The following RAPGEF4 variants were observed in gnomAD, a reference collection of about 807,000 sequenced individuals.
RAPGEF4 encodes RAP guanine-nucleotide-exchange factor (GEF) 4.
In RAPGEF4, 66 loss-of-function variants were observed where a neutral mutation model predicts 147.9. The ratio of observed to expected loss-of-function variants is 0.45; its 90% CI spans 0.37 to 0.55. The LOEUF (loss-of-function observed/expected upper bound fraction) is 0.55. Among genes scored for constraint, RAPGEF4 ranks in the 20% least tolerant of loss-of-function variants. The pLI is 0.00. For missense variants in RAPGEF4, 1,071 were observed against 1,257.3 expected, an observed-to-expected ratio of 0.85 and a Z score of 2.24; for synonymous variants, 419 against 442.7, an observed-to-expected ratio of 0.95 and a Z score of 0.67.
At chr2:172,735,759 C>G (rs1207398698), upstream of RAPGEF4, 1 of 183,178 alleles carries the variant, frequency 5.5e-6, no homozygotes, top group Non-Finnish European at 1.1e-5. Flanking sequence ...GGGCGGGCGA[C>G]TCGGCCCTCC....
At chr2:172,994,953 C>T (rs139386714) in intron 15 of RAPGEF4, among the ~76,000 whole-genome samples, 45 of 152,186 alleles carry the variant, frequency 3.0e-4, no homozygotes, top group Non-Finnish European at 5.6e-4. Context: ...GTCTTGTGCG[C>T]GCACTATAGT....
intron 1 of RAPGEF4, among the ~76,000 whole-genome samples, chr2:172,784,377 G>A (rs1684983589): frequency 6.6e-6 from 1 of 152,082 alleles, no homozygotes; most frequent in South Asian, 2.1e-4. Context: ...AATTAGCCGG[G>A]CATGGTGGCA....
At position 172,951,448 on chromosome 2, in the gene RAPGEF4, T is replaced by A. The variant is rs1169110262; in HGVS notation, c.538-9312T>A. Among the ~76,000 whole-genome samples, 3 of 152,236 alleles carry A rather than the reference T, an allele frequency of 2.0e-5. No individual in the cohort carries two copies. The East Asian group carries it at 5.8e-4, about 29-fold the overall frequency. On this transcript the variant is annotated intron_variant, in intron 6 of 30. Transcript: ENST00000397081. ...AACAGTGAGCAAAACAAGGTTCTTG[T>A]CTTCATGCAGCTAACATTTCAGTAC...
intron 1 of RAPGEF4, among the ~76,000 whole-genome samples, chr2:172,760,347 C>G (rs185149813): frequency 6.6e-6 from 1 of 152,138 alleles, no homozygotes; most frequent in Non-Finnish European, 1.5e-5. Flanking sequence ...GAATAGAAAG[C>G]CTTAGCAAAG....
chr2:173,021,205 A>G (rs1408032613), intron 23 of RAPGEF4, among the ~76,000 whole-genome samples: 1 of 152,226 alleles, frequency 6.6e-6, no homozygotes, highest in African/African-American at 2.4e-5. Context: ...GTTACCCAGC[A>G]TACAGACAGA....
intron 4 of RAPGEF4, among the ~76,000 whole-genome samples, chr2:172,853,023 G>GAT (rs1167364478): frequency 6.6e-6 from 1 of 151,938 alleles, no homozygotes; most frequent in Non-Finnish European, 1.5e-5. Flanking sequence ...CCTTTTTATT[G>GAT]ATATATATTG....
intron 4 of RAPGEF4, among the ~76,000 whole-genome samples, chr2:172,817,875 G>GATAT (rs57719631): frequency 2.4e-4 from 34 of 143,022 alleles, no homozygotes; most frequent in African/African-American, 8.5e-4. Context: ...AAGAAATTGT[G>GATAT]ATATATATAT....
intron 1 of RAPGEF4, among the ~76,000 whole-genome samples, chr2:172,788,490 G>C (rs1685469445): frequency 6.6e-6 from 1 of 152,176 alleles, no homozygotes; most frequent in African/African-American, 2.4e-5. Context: ...GATGAACTTA[G>C]CTGCTTAAAA....
At chr2:172,820,250 C>A (rs962230790) in intron 4 of RAPGEF4, among the ~76,000 whole-genome samples, 2 of 152,194 alleles carry the variant, frequency 1.3e-5, no homozygotes, top group Non-Finnish European at 2.9e-5. Flanking sequence ...CTGAGAGGCC[C>A]TTGAACTAGT....
At position 173,026,566 on chromosome 2, in the gene RAPGEF4, T is replaced by C. The variant is rs773103778; in HGVS notation, c.2254-6T>C. On this transcript the variant is annotated splice_polypyrimidine_tract_variant and splice_region_variant and intron_variant, in intron 23 of 30. Coordinates refer to ENST00000397081, the MANE Select transcript of RAPGEF4 (RefSeq NM_007023.4). ...TTCTGATATGTTTTTGCATTATTAT[T>C]CATAGACTCCCTTACCAGAACAGGA... 1 of 1,612,206 alleles carries C rather than the reference T, an allele frequency of 6.2e-7. No homozygotes were observed. The highest frequency in any genetic ancestry group is 1.3e-5 in the African/African-American group (1 of 74,808).
chr2:172,806,734 T>C (rs1036300919), intron 3 of RAPGEF4, among the ~76,000 whole-genome samples: 1 of 152,242 alleles, frequency 6.6e-6, no homozygotes, highest in Non-Finnish European at 1.5e-5. Flanking sequence ...TCACTTAATT[T>C]CATCCCCTCA....
intron 23 of RAPGEF4, among the ~76,000 whole-genome samples, chr2:173,022,153 C>T (rs1447654086): frequency 2.0e-5 from 3 of 152,220 alleles, no homozygotes; most frequent in Admixed American, 1.3e-4. Flanking sequence ...TGTTACTGCA[C>T]GGGTGCTGGG....
chr2:172,939,808 A>G (rs963723339), intron 6 of RAPGEF4, among the ~76,000 whole-genome samples: 23 of 152,140 alleles, frequency 1.5e-4, no homozygotes, highest in African/African-American at 4.8e-4. Context: ...TATAAGGCAT[A>G]AGGTCTGTGT....
chr2:172,942,568 TA>T (rs60948094), intron 6 of RAPGEF4, among the ~76,000 whole-genome samples: 4,590 of 107,822 alleles, frequency 0.043, 157 homozygotes, highest in African/African-American at 0.11. Context: ...TAGAGTCTGG[TA>T]AAAAAAAAAA....
rs571769402 is a variant in RAPGEF4 at position 173,033,621 on chromosome 2, G to A, written c.2650-293G>A. On this transcript the variant is annotated intron_variant, in intron 26 of 30. Coordinates refer to ENST00000397081, the MANE Select transcript of RAPGEF4 (RefSeq NM_007023.4). ...GGTATATTCAGACTCTTCTAGTCTAGGGAATGCAGTCCTCTTTATAGATCG... is the reference window on the plus strand; with the variant it reads ...GGTATATTCAGACTCTTCTAGTCTAAGGAATGCAGTCCTCTTTATAGATCG... Among the ~76,000 whole-genome samples, 40 of 152,264 alleles carry A rather than the reference G, an allele frequency of 2.6e-4. 1 individual carries two copies. Among genetic ancestry groups the A allele is most frequent in the Admixed American group, 1.2e-3 (19 of 15,298 alleles).
At chr2:172,984,847 A>T (rs935648386) in intron 11 of RAPGEF4, among the ~76,000 whole-genome samples, 8 of 152,208 alleles carry the variant, frequency 5.3e-5, no homozygotes, top group African/African-American at 1.7e-4. Context: ...GTACCCAGGC[A>T]TAGAAAAATC....
At chr2:172,792,231 C>T (rs1030985742) in intron 1 of RAPGEF4, among the ~76,000 whole-genome samples, 1 of 152,238 alleles carries the variant, frequency 6.6e-6, no homozygotes, top group Non-Finnish European at 1.5e-5. Flanking sequence ...TGCTGCCCCC[C>T]AGACACACCA....
In RAPGEF4 at chr2:172,996,451, T is replaced by C; in HGVS notation, c.1491-15T>C. 1 of 1,476,992 alleles carries C rather than the reference T, an allele frequency of 6.8e-7. No homozygotes were observed. The highest frequency in any genetic ancestry group is 9.1e-7 in the Non-Finnish European group (1 of 1,101,432). The allele number at this position is 1,476,992 out of a possible 1,614,324, so 91.5% of individuals were successfully genotyped here. A position where few individuals can be genotyped will look rare whatever the true frequency, so the allele number is the denominator to read the frequency against. ...CACTTTTGAAAAATTAATGGCATTT[T>C]TGTTTCTTATCCAGGTATACTGTGA... is the stretch of plus-strand genomic sequence containing the variant. On this transcript the variant is annotated splice_polypyrimidine_tract_variant and intron_variant, in intron 15 of 30. Transcript: ENST00000397081.
chr2:172,816,183 C>A (rs2149609136), intron 4 of RAPGEF4, among the ~76,000 whole-genome samples: 1 of 151,994 alleles, frequency 6.6e-6, no homozygotes, highest in East Asian at 1.9e-4. Flanking sequence ...TCATAAATAC[C>A]TTTTATAGCT....
Sources: gnomAD v4.1 joint callset for allele counts (sites outside exome capture counted in the v4.1 genomes callset) on GRCh38, gnomAD v4.1.1 for gene constraint, MANE v1.5 for transcripts, NCBI Gene and HGNC (gene_info 2026-07-23, HGNC 2026-07-21) for gene names.